The following PLEKHA3 variants were observed in gnomAD, a reference collection of about 807,000 sequenced individuals.
PLEKHA3 encodes the protein pleckstrin homology domain containing A3.
A neutral mutation model predicts 39.2 loss-of-function variants in PLEKHA3; 19 were observed. That is an observed-to-expected ratio of 0.48 (90% confidence interval 0.34 to 0.71). The LOEUF is 0.71. PLEKHA3 is among the 30% of genes least tolerant of loss of function. The probability of loss-of-function intolerance (pLI) is 0.01; values close to 1 mark genes in which losing one functional copy is unlikely to be tolerated. For missense variants in PLEKHA3, 253 were observed against 359.5 expected (o/e 0.70, Z 2.40); for synonymous variants, 97 against 118.6 (o/e 0.82, Z 1.18).
intron 5 of PLEKHA3, among the ~76,000 whole-genome samples, chr2:178,497,263 C>T (rs1002087217): frequency 6.6e-6 from 1 of 151,662 alleles, no homozygotes; most frequent in African/African-American, 2.4e-5. Context: ...TGGAGTCTTG[C>T]TCTGTCGCCC....
At chr2:178,490,943 C>T in intron 3 of PLEKHA3, 129 bp downstream of exon 3, 1 of 656,454 alleles carries the variant, frequency 1.5e-6, no homozygotes, top group South Asian at 3.2e-5. Context: ...TTACGTATAT[C>T]TTTATCATAG....
chr2:178,503,324 C>T (rs13431100), intron 7 of PLEKHA3, among the ~76,000 whole-genome samples: 2,016 of 151,956 alleles, frequency 0.013, 36 homozygotes, highest in African/African-American at 0.045. Context: ...GTTCTGTTAC[C>T]AATTGTGTGA....
chr2:178,504,212 A>G lies in PLEKHA3; in HGVS notation c.*325A>G, dbSNP rs1685572755. ...CTCTGAGGGGACTGACAGCATGGTC[A>G]GGGTGTATTGTAGCTTATAAACATG... On this transcript the variant is annotated 3_prime_UTR_variant, in exon 8 of 8. Coordinates refer to ENST00000234453, the MANE Select transcript of PLEKHA3 (RefSeq NM_019091.4). 4.8e-6 allele frequency: 1 copy of G among 207,424 alleles called. No individual in the cohort carries two copies. The highest frequency in any genetic ancestry group is 1.0e-5 in the Non-Finnish European group (1 of 99,612). The allele number at this position is 207,424 out of a possible 1,614,324, so 12.8% of individuals were successfully genotyped here. A position where few individuals can be genotyped will look rare whatever the true frequency, so the allele number is the denominator to read the frequency against.
chr2:178,504,552 A>G lies in PLEKHA3; in HGVS notation c.*665A>G, dbSNP rs1018217774. On this transcript the variant is annotated 3_prime_UTR_variant, in exon 8 of 8. Coordinates refer to ENST00000234453, the MANE Select transcript of PLEKHA3 (RefSeq NM_019091.4). ...ATTTATTTTCTTGTTGCCTCAAAAG[A>G]TGATTGCATTCTAACTTTTGTGACC... 1 of 152,382 alleles carries G rather than the reference A, an allele frequency of 6.6e-6. No homozygotes were observed. Among genetic ancestry groups the G allele is most frequent in the Admixed American group, 6.6e-5 (1 of 15,230 alleles). The allele number at this position is 152,382 out of a possible 1,614,324, so 9.4% of individuals were successfully genotyped here. A position where few individuals can be genotyped will look rare whatever the true frequency, so the allele number is the denominator to read the frequency against.
intron 1 of PLEKHA3, chr2:178,481,980 T>C (rs910046007): frequency 2.0e-5 from 3 of 153,696 alleles, no homozygotes; most frequent in African/African-American, 7.2e-5. Flanking sequence ...AATGTGCAGG[T>C]AAACTTTTTA....
At chr2:178,487,251 A>G (rs1192891370) in intron 2 of PLEKHA3, among the ~76,000 whole-genome samples, 1 of 152,194 alleles carries the variant, frequency 6.6e-6, no homozygotes, top group Admixed American at 6.5e-5. Flanking sequence ...GTGGTCAGAT[A>G]TCAAGGGCGG....
chr2:178,494,063 A>C (rs1214759831), intron 4 of PLEKHA3, 74 bp downstream of exon 4: 27 of 1,491,316 alleles, frequency 1.8e-5, no homozygotes, highest in Non-Finnish European at 2.4e-5. Context: ...TCATTCCATA[A>C]GATGACAGGC....
rs1298342595 is a variant in PLEKHA3 at position 178,516,273 on chromosome 2, T to C, written c.*12386T>C. On this transcript the variant is annotated 3_prime_UTR_variant, in exon 8 of 8. Coordinates refer to ENST00000234453, the MANE Select transcript of PLEKHA3 (RefSeq NM_019091.4). ...ACTAAACACTTTAATTTTGAAAAAG[T>C]TTCAGAATAGAATTTCTATTCCCAG... The C allele has an allele frequency of 6.6e-6, 1 of 152,150 alleles. No individual in the cohort carries two copies. The highest frequency in any genetic ancestry group is 2.4e-5 in the African/African-American group (1 of 41,460). The allele number at this position is 152,150 out of a possible 1,614,324, so 9.4% of individuals were successfully genotyped here.
chr2:178,488,254 G>A (rs373060811), intron 2 of PLEKHA3, among the ~76,000 whole-genome samples: 1 of 152,210 alleles, frequency 6.6e-6, no homozygotes, highest in Non-Finnish European at 1.5e-5. Flanking sequence ...TTGTGTTGCA[G>A]ATGTTTTCTT....
intron 7 of PLEKHA3, among the ~76,000 whole-genome samples, chr2:178,503,286 A>T (rs1685557707): frequency 6.6e-6 from 1 of 151,978 alleles, no homozygotes; most frequent in African/African-American, 2.4e-5. Flanking sequence ...TCTTAGAATG[A>T]AAAGAGGAAT....
At position 178,507,663 on chromosome 2, in the gene PLEKHA3, T is replaced by TG. The variant is rs1255536523; in HGVS notation, c.*3776_*3777insG. 1 of 76,836 alleles carries TG rather than the reference T, an allele frequency of 1.3e-5. No individual in the cohort carries two copies. The highest frequency in any genetic ancestry group is 2.3e-5 in the Non-Finnish European group (1 of 42,568). 4.8% of individuals were successfully genotyped at this position (76,836 alleles called of 1,614,324 possible). ...AGTTTTTAGTCTCACATTAGGTTTT[T>TG]TTTTTTTTTTTTTTTTTTTTTTTTT... is the stretch of plus-strand genomic sequence containing the variant. On this transcript the variant is annotated 3_prime_UTR_variant, in exon 8 of 8. Coordinates refer to ENST00000234453, the MANE Select transcript of PLEKHA3 (RefSeq NM_019091.4).
chr2:178,499,898 T>G (rs947674058), intron 6 of PLEKHA3, among the ~76,000 whole-genome samples: 1 of 152,150 alleles, frequency 6.6e-6, no homozygotes, highest in African/African-American at 2.4e-5. Flanking sequence ...AAGTACATTT[T>G]TGATGTGTTG....
At chr2:178,494,666 A>C (rs1476018363) in intron 4 of PLEKHA3, among the ~76,000 whole-genome samples, 1 of 152,084 alleles carries the variant, frequency 6.6e-6, no homozygotes, top group Non-Finnish European at 1.5e-5. Flanking sequence ...TTGACCTCAC[A>C]CTTGCTACAG....
rs886915703 is a variant in PLEKHA3, at chr2:178,481,847, G to C, written c.40+938G>C. On this transcript the variant is annotated intron_variant, in intron 1 of 7. Transcript: ENST00000234453. ...TGAACAGTAAACAGATTTTTTGGGG[G>C]GGGGGGGTCTAGCATAATAGGCAAA... is the stretch of plus-strand genomic sequence containing the variant. The C allele has an allele frequency of 4.1e-5, 6 of 144,968 alleles. 1 individual carries two copies. The highest frequency in any genetic ancestry group is 1.5e-4 in the African/African-American group (6 of 39,668). 9.0% of individuals were successfully genotyped at this position (144,968 alleles called of 1,614,324 possible).
intron 1 of PLEKHA3, among the ~76,000 whole-genome samples, chr2:178,482,990 G>T (rs1407438366): frequency 6.6e-6 from 1 of 152,104 alleles, no homozygotes; most frequent in Non-Finnish European, 1.5e-5. Context: ...AGGCACGGTG[G>T]CTCATGCCTG....
chr2:178,482,168 T>C (rs1464745067), intron 1 of PLEKHA3, among the ~76,000 whole-genome samples: 1 of 152,208 alleles, frequency 6.6e-6, no homozygotes, highest in Non-Finnish European at 1.5e-5. Context: ...ATTTAAAAGT[T>C]AGATAAATAT....
intron 2 of PLEKHA3, among the ~76,000 whole-genome samples, chr2:178,489,255 C>G (rs530611853): frequency 6.6e-6 from 1 of 152,094 alleles, no homozygotes; most frequent in African/African-American, 2.4e-5. Context: ...TAAGAATGAC[C>G]CATATAAGTA....
At chr2:178,499,128 A>T (rs2154127923) in intron 5 of PLEKHA3, 83 bp from the exon 6 acceptor site, 6 of 1,315,594 alleles carry the variant, frequency 4.6e-6, no homozygotes, top group Non-Finnish European at 6.3e-6. Context: ...TATGTTTATT[A>T]TGATAATAGT....
rs1039495932 is a variant in PLEKHA3 at position 178,505,779 on chromosome 2, A to C, written c.*1892A>C. The C allele has an allele frequency of 6.6e-6, 1 of 152,012 alleles. No individual in the cohort carries two copies. Among genetic ancestry groups the C allele is most frequent in the South Asian group, 2.1e-4 (1 of 4,830 alleles). 9.4% of individuals were successfully genotyped at this position (152,012 alleles called of 1,614,324 possible). ...TGGGTTCGTGAAGAGTTTTCTGTGA[A>C]TATTTTAAAAATACAATGCAATTAT... is the stretch of plus-strand genomic sequence containing the variant. On this transcript the variant is annotated 3_prime_UTR_variant, in exon 8 of 8. Coordinates refer to ENST00000234453, the MANE Select transcript of PLEKHA3 (RefSeq NM_019091.4).
Sources: allele counts gnomAD v4.1 joint callset (sites outside exome capture counted in the v4.1 genomes callset), GRCh38; gene constraint gnomAD v4.1.1; transcripts MANE v1.5; gene names NCBI Gene and HGNC (gene_info 2026-07-23, HGNC 2026-07-21).